The following KMT5C variants were observed in gnomAD, a reference collection of about 807,000 sequenced individuals.
KMT5C encodes the protein lysine methyltransferase 5C, also known as histone-lysine N-methyltransferase KMT5C.
KMT5C carries 16 observed loss-of-function variants against 38.2 expected under a neutral mutation model. That is an observed-to-expected ratio of 0.42 (90% CI 0.28 to 0.64). KMT5C has a LOEUF of 0.64. Ranked by LOEUF, KMT5C falls within the 30% of genes least tolerant of loss-of-function variation. KMT5C has a pLI of 0.23. For missense variants in KMT5C, 598 were observed against 665.1 expected (o/e 0.90, Z 1.11); for synonymous variants, 291 against 279.0 (o/e 1.04, Z -0.43).
In KMT5C at chr19:55,343,900, G is replaced by A. The variant is rs2089588422; in HGVS notation, c.550+57G>A. On this transcript the variant is annotated intron_variant, in intron 5 of 8. Transcript: ENST00000255613. The surrounding 1 kb of genome is among the most constrained non-coding windows in gnomAD (Gnocchi z 5.5). ...GGATAGAGCCAGGCAGGGCTGGAGG[G>A]GTGTAGTGGGAGGGTTCTGCGACTG... 3 of 1,606,650 alleles carry A rather than the reference G, an allele frequency of 1.9e-6. No homozygotes were observed. The highest frequency in any genetic ancestry group is 1.7e-5 in the Admixed American group (1 of 59,882).
At chr19:55,346,723 C>G (rs1303576561) in intron 8 of KMT5C, 36 bp downstream of exon 8, 1 of 1,469,558 alleles carries the variant, frequency 6.8e-7, no homozygotes, top group African/African-American at 1.4e-5. Context: ...GCAGCCCCTC[C>G]CCTGTCTGCT....
In KMT5C at chr19:55,343,915, T is replaced by C; in HGVS notation, c.551-63T>C. The C allele has an allele frequency of 3.7e-6, 6 of 1,606,964 alleles. No individual in the cohort carries two copies. In the Admixed American group the frequency reaches 1.0e-4, roughly 27 times the overall value. On this transcript the variant is annotated intron_variant, in intron 5 of 8. Coordinates refer to ENST00000255613, the MANE Select transcript of KMT5C (RefSeq NM_032701.4). This position sits in a 1 kb window ranked among gnomAD's most constrained non-coding sequence, Gnocchi z 5.5. The stretch of plus-strand genomic sequence containing the variant: ...GGGCTGGAGGGGTGTAGTGGGAGGG[T>C]TCTGCGACTGAGCTGCCGAGCTCAT...
At chr19:55,340,921 T>A (rs12608561) in intron 1 of KMT5C, among the ~76,000 whole-genome samples, 1 of 151,406 alleles carries the variant, frequency 6.6e-6, no homozygotes, top group African/African-American at 2.4e-5. Flanking sequence ...GTCCCTGGCG[T>A]CCTCCTGCAG....
rs192435239 is a variant in KMT5C at position 55,340,274 on chromosome 19, C to T, written c.-144+317C>T. Among the ~76,000 whole-genome samples the T allele has an allele frequency of 2.7e-4, 41 of 151,426 alleles. No homozygotes were observed. The East Asian group carries it at 7.2e-3, about 27-fold the overall frequency. On this transcript the variant is annotated intron_variant, in intron 1 of 8. Transcript: ENST00000255613. ...ACCCCCCAGGGCCTTTCCCTGACCT[C>T]ACCCTCCAGGCCTCTCCCTGCACCC... is the stretch of plus-strand genomic sequence containing the variant.
chr19:55,341,404 G>T (rs1569018898), intron 1 of KMT5C, among the ~76,000 whole-genome samples: 1 of 152,188 alleles, frequency 6.6e-6, no homozygotes, highest in Admixed American at 6.5e-5. Context: ...CGAGGTGGGG[G>T]TGGAGGGCGG....
In KMT5C at chr19:55,342,018, G is replaced by A. The variant is rs2089562769; in HGVS notation, c.82G>A (p.Gly28Ser). 1.9e-6 allele frequency: 3 copies of A among 1,613,634 alleles called. No individual in the cohort carries two copies. The highest frequency in any genetic ancestry group is 1.7e-5 in the Admixed American group (1 of 60,000). Residue 28 changes from glycine to serine, a missense_variant, in exon 2 of 9, where the codon GGT becomes AGT. Physicochemically the swap from Gly to Ser is moderately conservative, Grantham distance 56. This residue lies in a region of KMT5C where 167 missense variants were observed against 187.8 expected (regional missense o/e 0.89). Transcript: ENST00000255613. Reference protein sequence around the residue: ...ATSLVLDPYLGFRTHKMNVSP... With the variant: ...ATSLVLDPYLSFRTHKMNVSP... ...CAGCCTCGTCCTGGACCCCTACCTC[G>A]GTTTCCGCACCCATAAGATGAACGT...
chr19:55,340,855 G>T (rs1029815149), intron 1 of KMT5C, among the ~76,000 whole-genome samples: 8 of 148,498 alleles, frequency 5.4e-5, no homozygotes, highest in African/African-American at 2.0e-4. Context: ...CCCCTGCCGT[G>T]CCCACCGCTG....
At chr19:55,342,714 T>A in intron 3 of KMT5C, 28 bp from the exon 4 acceptor site, 2 of 1,124,708 alleles carry the variant, frequency 1.8e-6, no homozygotes, top group Non-Finnish European at 2.7e-6. Flanking sequence ...CTGCCCCGCC[T>A]CCTCACCCCC....
chr19:55,346,149 G>T, intron 6 of KMT5C, 64 bp from the exon 7 acceptor site: 1 of 1,598,300 alleles, frequency 6.3e-7, no homozygotes, highest in Non-Finnish European at 8.5e-7. Flanking sequence ...CCGGCCAGGT[G>T]TGGGGAGTGG....
rs1423014847 is a variant in KMT5C, at chr19:55,346,647, C to T, written c.855C>T (p.Ala285=). Residue 285 remains alanine (A), a synonymous_variant, in exon 8 of 9, where the codon GCC becomes GCT. Coordinates refer to ENST00000255613, the MANE Select transcript of KMT5C (RefSeq NM_032701.4). ...GSRQGLLGPR[A]CVHPSPLRRD... Reference sequence around the variant, plus strand: ...GACAGGGCCTGCTGGGCCCTCGGGCCTGCGTGCACCCATCCCCGCTGCGCC... The same window carrying T: ...GACAGGGCCTGCTGGGCCCTCGGGCTTGCGTGCACCCATCCCCGCTGCGCC... The T allele has an allele frequency of 5.7e-6, 9 of 1,576,260 alleles. No individual in the cohort carries two copies. Among genetic ancestry groups the T allele is most frequent in the South Asian group, 1.2e-5 (1 of 86,210 alleles).
chr19:55,341,016 C>G (rs2089550570), intron 1 of KMT5C, among the ~76,000 whole-genome samples: 1 of 152,236 alleles, frequency 6.6e-6, no homozygotes, highest in Admixed American at 6.5e-5. Context: ...CTTGCCCTGC[C>G]CCATCTCCTC....
chr19:55,345,528 G>A (rs748505005), intron 6 of KMT5C, among the ~76,000 whole-genome samples: 8 of 152,194 alleles, frequency 5.3e-5, no homozygotes, highest in Admixed American at 1.3e-4. Context: ...ACACTCAGAA[G>A]GCAGTGGCCG....
chr19:55,342,582 C>G (rs1038918807), intron 3 of KMT5C, 160 bp from the exon 4 acceptor site: 3 of 642,164 alleles, frequency 4.7e-6, no homozygotes, highest in Non-Finnish European at 8.3e-6. Flanking sequence ...GTAGTCCAAC[C>G]TCTTCATTTG....
chr19:55,347,417 A>ATCGACCTGGATG lies in KMT5C; in HGVS notation c.1361_1372dup (p.Asp454_Val457dup). ...ACGGCTGGTGGTCAGCCACGGCTCC[A>ATCGACCTGGATG]TCGACCTGGATGTCGGCGGTGAAGA... On this transcript the variant is annotated inframe_insertion, in exon 9 of 9. Coordinates refer to ENST00000255613, the MANE Select transcript of KMT5C (RefSeq NM_032701.4). The surrounding 1 kb of genome is among the most constrained non-coding windows in gnomAD (Gnocchi z 4.6). 1 of 1,559,304 alleles carries ATCGACCTGGATG rather than the reference A, an allele frequency of 6.4e-7. No homozygotes were observed.
At chr19:55,345,571 C>T (rs951179902) in intron 6 of KMT5C, among the ~76,000 whole-genome samples, 1 of 152,044 alleles carries the variant, frequency 6.6e-6, no homozygotes, top group African/African-American at 2.4e-5. Flanking sequence ...AGGCAGGTGG[C>T]GAGGGCTACT....
intron 1 of KMT5C, among the ~76,000 whole-genome samples, chr19:55,340,472 C>G (rs1053841642): frequency 6.6e-6 from 1 of 151,950 alleles, no homozygotes; most frequent in Admixed American, 6.5e-5. Flanking sequence ...TGTCCCTCTC[C>G]TGGCACTCCC....
At chr19:55,341,302 C>T (rs995254725) in intron 1 of KMT5C, among the ~76,000 whole-genome samples, 4 of 152,178 alleles carry the variant, frequency 2.6e-5, no homozygotes, top group African/African-American at 9.7e-5. Context: ...CCTCCCGTCA[C>T]CCGCCTCCAG....
At chr19:55,345,490 C>T (rs752231) in intron 6 of KMT5C, among the ~76,000 whole-genome samples, 6,781 of 151,940 alleles carry the variant, frequency 0.045, 206 homozygotes, top group Non-Finnish European at 0.066. Flanking sequence ...CTCGGGGAGG[C>T]GAGGAGGATG....
Position 55,342,354 on chromosome 19 carries a change from C to T in KMT5C, c.250C>T (p.Arg84Trp), listed in dbSNP as rs768364618. 7 of 1,541,200 alleles carry T rather than the reference C, an allele frequency of 4.5e-6. No homozygotes were observed. Among genetic ancestry groups the T allele is most frequent in the Non-Finnish European group, 5.2e-6 (6 of 1,144,212 alleles). The change falls in exon 3 of 9, where the codon CGG becomes TGG. Residue 84 changes from arginine (R) to tryptophan (W), a missense_variant. Physicochemically the swap from Arg to Trp is moderately radical, Grantham distance 101 (BLOSUM62 -3). This residue lies in a region of KMT5C where 167 missense variants were observed against 187.8 expected (regional missense o/e 0.89). Coordinates refer to ENST00000255613, the MANE Select transcript of KMT5C (RefSeq NM_032701.4). ...CCGCTACTTCCAGAGCCGGGGCCCG[C>T]GGCAGGAGGCTGCCCTCAAGACCCA... Reference protein sequence around the residue: ...TARYFQSRGPRQEAALKTHVY... With the variant: ...TARYFQSRGPWQEAALKTHVY...
Sources: allele counts gnomAD v4.1 joint callset (sites outside exome capture counted in the v4.1 genomes callset), GRCh38; gene constraint gnomAD v4.1.1; regional missense constraint gnomAD v4.1.1; non-coding constraint Gnocchi (gnomAD v3.1); transcripts MANE v1.5; gene names NCBI Gene and HGNC (gene_info 2026-07-23, HGNC 2026-07-21).